The following VOPP1 variants were observed in gnomAD, a reference collection of about 807,000 sequenced individuals.
VOPP1 encodes the protein VOPP1 WW domain binding protein.
A neutral mutation model predicts 23.5 loss-of-function variants in VOPP1; 8 were observed. The ratio of observed to expected loss-of-function variants is 0.34; its 90% confidence interval spans 0.20 to 0.61. VOPP1 has a LOEUF of 0.61. Among genes scored for constraint, VOPP1 ranks in the 20% least tolerant of loss-of-function variants. The pLI is 0.78. For missense variants in VOPP1, 174 were observed against 238.1 expected, an observed-to-expected ratio of 0.73 and a Z score of 1.77; for synonymous variants, 83 against 97.3, an observed-to-expected ratio of 0.85 and a Z score of 0.86.
chr7:55,543,504 C>T (rs1263775140), intron 1 of VOPP1, among the ~76,000 whole-genome samples: 1 of 152,174 alleles, frequency 6.6e-6, no homozygotes, highest in East Asian at 1.9e-4. Flanking sequence ...ATACTGCTCT[C>T]CATAGTACTA....
chr7:55,510,859 T>C (rs1258768198), intron 2 of VOPP1, among the ~76,000 whole-genome samples: 1 of 148,810 alleles, frequency 6.7e-6, no homozygotes, highest in Non-Finnish European at 1.5e-5. Flanking sequence ...CCAAAGTCTC[T>C]GCTCCACCCC....
At chr7:55,539,238 G>A (rs763537334) in intron 1 of VOPP1, among the ~76,000 whole-genome samples, 17 of 152,052 alleles carry the variant, frequency 1.1e-4, no homozygotes, top group African/African-American at 1.7e-4. Flanking sequence ...CCAGCTACTC[G>A]GGAGGCTGAG....
chr7:55,471,008 A>C lies in VOPP1; in HGVS notation c.*1847T>G, dbSNP rs372107807. 1.3e-5 allele frequency: 2 copies of C among 152,576 alleles called. No homozygotes were observed. Among genetic ancestry groups the C allele is most frequent in the African/African-American group, 2.4e-5 (1 of 41,528 alleles). The allele number at this position is 152,576 out of a possible 1,614,324, so 9.5% of individuals were successfully genotyped here. ...TAATTTGCTATCAAAAAGACAAACGAAATTTAGTCACGGACTTTTGGGTGC... is the reference window on the plus strand; with the variant it reads ...TAATTTGCTATCAAAAAGACAAACGCAATTTAGTCACGGACTTTTGGGTGC... On this transcript the variant is annotated 3_prime_UTR_variant, in exon 5 of 5. Transcript: ENST00000285279.
intron 4 of VOPP1, among the ~76,000 whole-genome samples, chr7:55,462,223 C>CT (rs1265638173): frequency 6.6e-6 from 1 of 152,110 alleles, no homozygotes; most frequent in Non-Finnish European, 1.5e-5. Flanking sequence ...TGGGAGTTCC[C>CT]TTATATGTGA....
At chr7:55,462,652 TATA>T (rs1259954976) in intron 4 of VOPP1, among the ~76,000 whole-genome samples, 1 of 134,210 alleles carries the variant, frequency 7.5e-6, no homozygotes, top group African/African-American at 2.7e-5. Flanking sequence ...AACTCTTGAT[TATA>T]TTTTTTTTTT....
chr7:55,550,671 C>T (rs1483489703), intron 1 of VOPP1, among the ~76,000 whole-genome samples: 1 of 152,030 alleles, frequency 6.6e-6, no homozygotes, highest in Admixed American at 6.6e-5. Flanking sequence ...AGCCCTATCG[C>T]GAAGGATTAT....
At chr7:55,501,668 T>C (rs1230484282) in intron 2 of VOPP1, among the ~76,000 whole-genome samples, 2 of 152,212 alleles carry the variant, frequency 1.3e-5, no homozygotes, top group African/African-American at 2.4e-5. Context: ...ACAACACTCA[T>C]GAATACCCTC....
intron 4 of VOPP1, among the ~76,000 whole-genome samples, chr7:55,438,635 C>A (rs532638891): frequency 6.0e-4 from 91 of 152,298 alleles, no homozygotes; most frequent in Admixed American, 3.5e-3. Context: ...TCACTCGCTG[C>A]AGAATCGCAG....
chr7:55,538,491 C>T, intron 1 of VOPP1: 1 of 853,692 alleles, frequency 1.2e-6, no homozygotes, highest in African/African-American at 1.7e-5. Context: ...CCAGGCTACA[C>T]AAACCACACA....
chr7:55,516,932 A>ATTTTTTTTTTTTTT (rs71031862), intron 2 of VOPP1, among the ~76,000 whole-genome samples: 1 of 45,156 alleles, frequency 2.2e-5, no homozygotes, highest in African/African-American at 1.2e-4. Context: ...ATATATATAT[A>ATTTTTTTTTTTTTT]TTTTTTTTTT....
chr7:55,556,674 G>T (rs1227745550), intron 1 of VOPP1, among the ~76,000 whole-genome samples: 1 of 150,252 alleles, frequency 6.7e-6, no homozygotes, highest in African/African-American at 2.4e-5. Context: ...AGAGAAATGT[G>T]ACTGTGATCT....
intron 4 of VOPP1, among the ~76,000 whole-genome samples, chr7:55,477,403 T>C (rs1249775076): frequency 6.6e-6 from 1 of 152,174 alleles, no homozygotes; most frequent in Non-Finnish European, 1.5e-5. Flanking sequence ...GCTGCCAGAT[T>C]GTGCTGGGTG....
intron 4 of VOPP1, among the ~76,000 whole-genome samples, chr7:55,460,564 T>C (rs1034720435): frequency 1.4e-4 from 21 of 152,026 alleles, no homozygotes; most frequent in Admixed American, 6.6e-4. Flanking sequence ...ATTTGCCTTA[T>C]ACAGCTGGGT....
At chr7:55,439,557 A>G (rs1434614669) in intron 4 of VOPP1, among the ~76,000 whole-genome samples, 3 of 152,232 alleles carry the variant, frequency 2.0e-5, no homozygotes, top group African/African-American at 7.2e-5. Flanking sequence ...GCAGTTGGAA[A>G]GAAGGGGTGA....
chr7:55,484,047 C>A (rs1476822956), intron 4 of VOPP1, among the ~76,000 whole-genome samples: 1 of 152,206 alleles, frequency 6.6e-6, no homozygotes, highest in Non-Finnish European at 1.5e-5. Flanking sequence ...CGAGAGCCAC[C>A]GCACCCAGCC....
chr7:55,449,750 G>A (rs998469487), intron 4 of VOPP1, among the ~76,000 whole-genome samples: 1 of 152,052 alleles, frequency 6.6e-6, no homozygotes. Flanking sequence ...GGCCTCCCGA[G>A]GGGACAGGAG....
rs918751865 is a variant in VOPP1 at position 55,473,102 on chromosome 7, G to C, written c.329-57C>G. 154 of 1,554,978 alleles carry C rather than the reference G, an allele frequency of 9.9e-5. 2 individuals are homozygous for C. In the African/African-American group the frequency reaches 2.1e-3, roughly 21 times the overall value. ...AAGGGAAAGCCCCATCACACCGCAAGTATGTGCAGGCTGCAGGGCCAGCAG... is the reference window on the plus strand; with the variant it reads ...AAGGGAAAGCCCCATCACACCGCAACTATGTGCAGGCTGCAGGGCCAGCAG... On this transcript the variant is annotated intron_variant, in intron 4 of 4. Transcript: ENST00000285279.
intron 1 of VOPP1, among the ~76,000 whole-genome samples, chr7:55,540,173 G>C (rs932449572): frequency 6.6e-6 from 1 of 151,976 alleles, no homozygotes; most frequent in Admixed American, 6.6e-5. Context: ...GCCGAGGAGG[G>C]TGGATCACGA....
intron 1 of VOPP1, among the ~76,000 whole-genome samples, chr7:55,533,396 T>TTA (rs1241660728): frequency 1.3e-5 from 2 of 152,120 alleles, no homozygotes; most frequent in African/African-American, 4.8e-5. Context: ...GAGCCATCAC[T>TTA]TATAAATATT....
Sources: gnomAD v4.1 joint callset for allele counts (sites outside exome capture counted in the v4.1 genomes callset) on GRCh38, gnomAD v4.1.1 for gene constraint, MANE v1.5 for transcripts, NCBI Gene and HGNC (gene_info 2026-07-23, HGNC 2026-07-21) for gene names.